The following DBF4 variants were observed in gnomAD, a reference collection of about 807,000 sequenced individuals.
DBF4 encodes the protein DBF4-CDC7 kinase regulatory subunit, also known as protein DBF4 homolog A.
DBF4 carries 25 observed loss-of-function variants against 76.6 expected under a neutral mutation model. The observed-to-expected ratio is 0.33, with a 90% CI of 0.24 to 0.46. The LOEUF (loss-of-function observed/expected upper bound fraction) is 0.46. Among genes scored for constraint, DBF4 ranks in the 20% least tolerant of loss-of-function variants. DBF4 has a pLI of 1.00. For synonymous variants in DBF4, 213 were observed against 258.0 expected (o/e 0.83, Z 1.67); for missense variants, 638 against 760.8 (o/e 0.84, Z 1.90).
intron 6 of DBF4, chr7:87,888,289 A>C: frequency 1.0e-6 from 1 of 985,034 alleles, no homozygotes; most frequent in Non-Finnish European, 1.2e-6. Context: ...CCCTTTTGTT[A>C]CTGCTGTTTT....
chr7:87,879,785 C>A (rs1179892278), intron 2 of DBF4, among the ~76,000 whole-genome samples: 1 of 152,006 alleles, frequency 6.6e-6, no homozygotes, highest in East Asian at 1.9e-4. Context: ...AACTCCATGT[C>A]TACTGAAAAA....
rs1406161600 is a variant in DBF4, at chr7:87,876,710, C to T, written c.-23C>T. The T allele has an allele frequency of 4.3e-6, 7 of 1,613,890 alleles. No individual in the cohort carries two copies. The South Asian group carries it at 6.6e-5, about 15-fold the overall frequency. On this transcript the variant is annotated 5_prime_UTR_variant, in exon 1 of 12. Transcript: ENST00000265728. ...GGTGCGACACTTTCTCCGGACCCAG[C>T]ATGTAGGTGCCGGGCGACTGCCATG...
chr7:87,887,816 G>A (rs1240712315), intron 5 of DBF4, among the ~76,000 whole-genome samples, 167 bp from the exon 6 acceptor site: 1 of 152,026 alleles, frequency 6.6e-6, no homozygotes, highest in Non-Finnish European at 1.5e-5. Context: ...CTGTCACACT[G>A]GGGGTTAAAT....
intron 6 of DBF4, chr7:87,888,437 C>G (rs915801913): frequency 1.7e-6 from 1 of 598,320 alleles, no homozygotes. Flanking sequence ...AATGGTATAA[C>G]AAAATCTCGT....
intron 8 of DBF4, among the ~76,000 whole-genome samples, chr7:87,899,442 G>T (rs996988864): frequency 1.3e-5 from 2 of 152,038 alleles, no homozygotes; most frequent in Non-Finnish European, 2.9e-5. Context: ...TTAAAAAGGG[G>T]CAAAGCGCTG....
At position 87,884,969 on chromosome 7, in the gene DBF4, T is replaced by C; in HGVS notation, c.220-10T>C. Reference sequence around the variant, plus strand: ...AAATTTATAAATAAAAATACTTTGTTCTCTTCTAGCGAGTTGAAGAATTTC... The same window carrying C: ...AAATTTATAAATAAAAATACTTTGTCCTCTTCTAGCGAGTTGAAGAATTTC... On this transcript the variant is annotated splice_polypyrimidine_tract_variant and intron_variant, in intron 2 of 11. Coordinates refer to ENST00000265728, the MANE Select transcript of DBF4 (RefSeq NM_006716.4). The C allele has an allele frequency of 6.3e-7, 1 of 1,586,868 alleles. No individual in the cohort carries two copies. The highest frequency in any genetic ancestry group is 8.6e-7 in the Non-Finnish European group (1 of 1,159,846).
chr7:87,899,057 A>G (rs1447549471), intron 8 of DBF4, among the ~76,000 whole-genome samples: 1 of 152,222 alleles, frequency 6.6e-6, no homozygotes, highest in Non-Finnish European at 1.5e-5. Context: ...AAAGAATGGC[A>G]TTAGACTCCT....
Position 87,885,112 on chromosome 7 carries a change from C to T in DBF4, c.353C>T (p.Ser118Leu). ...TCTGCATATACTGCAGAAACCACTT[C>T]ACCTCATCCCAGCCATGATGGAAGT... ...PESAYTAETT[S>L]PHPSHDGSSF... The change falls in exon 3 of 12, where the codon TCA (serine) becomes TTA (leucine). Residue 118 changes from serine to leucine, a missense_variant. Physicochemically the swap from Ser to Leu is moderately radical, Grantham distance 145. Transcript: ENST00000265728. 1 of 1,612,966 alleles carries T rather than the reference C, an allele frequency of 6.2e-7. No homozygotes were observed. The highest frequency in any genetic ancestry group is 8.5e-7 in the Non-Finnish European group (1 of 1,179,382).
rs147551055 is a variant in DBF4, at chr7:87,880,530, G to A, written c.219+2305G>A. 8.5e-5 allele frequency among the ~76,000 whole-genome samples: 13 copies of A among 152,184 alleles called. No individual in the cohort carries two copies. In the East Asian group the frequency reaches 2.5e-3, roughly 29 times the overall value. ...TATAATTAATGATATTTAATCCTCAGGTCCTGGTTTCTGTCTTCAGCACAT... is the reference window on the plus strand; with the variant it reads ...TATAATTAATGATATTTAATCCTCAAGTCCTGGTTTCTGTCTTCAGCACAT... On this transcript the variant is annotated intron_variant, in intron 2 of 11. Transcript: ENST00000265728.
chr7:87,895,451 C>G (rs553939734), intron 6 of DBF4, among the ~76,000 whole-genome samples: 2 of 151,998 alleles, frequency 1.3e-5, no homozygotes, highest in Non-Finnish European at 2.9e-5. Flanking sequence ...TGTGTAGGCC[C>G]TATATCCTGA....
intron 2 of DBF4, among the ~76,000 whole-genome samples, chr7:87,879,704 C>T (rs749539517): frequency 3.9e-5 from 6 of 152,130 alleles, no homozygotes; most frequent in Non-Finnish European, 7.4e-5. Context: ...GTAATCCTAG[C>T]ACTTTTGGAG....
At chr7:87,879,178 A>G (rs1310401733) in intron 2 of DBF4, among the ~76,000 whole-genome samples, 1 of 151,978 alleles carries the variant, frequency 6.6e-6, no homozygotes, top group African/African-American at 2.4e-5. Context: ...CAAACTTCTA[A>G]CCTCAGGTGA....
Position 87,903,689 on chromosome 7 carries a change from CTTTTTTTTTTTTTT to C in DBF4, c.925-593_925-580del, listed in dbSNP as rs56740998. On this transcript the variant is annotated intron_variant, in intron 10 of 11. Coordinates refer to ENST00000265728, the MANE Select transcript of DBF4 (RefSeq NM_006716.4). ...TACTGTTGTCTCTCTCTCTGTATCC[CTTTTTTTTTTTTTT>C]TTTTTTTTTGAGACGAAGTCTTGCT... Among the ~76,000 whole-genome samples the C allele has an allele frequency of 4.1e-5, 4 of 98,090 alleles. 1 individual carries two copies. Among genetic ancestry groups the C allele is most frequent in the African/African-American group, 1.6e-4 (4 of 24,938 alleles). The allele number at this position is 98,090 out of a possible 152,430, so 64.4% of individuals were successfully genotyped here.
At chr7:87,886,320 C>T (rs1357014509) in intron 3 of DBF4, among the ~76,000 whole-genome samples, 1 of 151,856 alleles carries the variant, frequency 6.6e-6, no homozygotes, top group Admixed American at 6.6e-5. Flanking sequence ...ATCACGAGGT[C>T]AGGAGTTCAA....
intron 7 of DBF4, 80 bp downstream of exon 7, chr7:87,896,590 C>T (rs1839645235): frequency 8.1e-7 from 1 of 1,237,290 alleles, no homozygotes; most frequent in Non-Finnish European, 1.2e-6. Context: ...ATATAAACCA[C>T]CCTCTAAATG....
At chr7:87,886,154 T>C (rs1839343914) in intron 3 of DBF4, among the ~76,000 whole-genome samples, 1 of 152,156 alleles carries the variant, frequency 6.6e-6, no homozygotes, top group African/African-American at 2.4e-5. Context: ...AATGCTTTTT[T>C]GGAGCAAGGA....
chr7:87,900,617 T>C, intron 9 of DBF4, 147 bp from the exon 10 acceptor site: 1 of 699,294 alleles, frequency 1.4e-6, no homozygotes, highest in Non-Finnish European at 2.3e-6. Context: ...CTTCTCAATA[T>C]AGTATAAAGA....
chr7:87,881,691 A>C (rs1275119689), intron 2 of DBF4, among the ~76,000 whole-genome samples: 1 of 152,248 alleles, frequency 6.6e-6, no homozygotes, highest in Non-Finnish European at 1.5e-5. Context: ...AGAGATACAA[A>C]AATAAGTAAA....
chr7:87,901,151 A>G (rs753781664), intron 10 of DBF4, among the ~76,000 whole-genome samples: 14 of 151,976 alleles, frequency 9.2e-5, no homozygotes, highest in Non-Finnish European at 1.8e-4. Flanking sequence ...GGGTGGAGAT[A>G]GGTAACCACA....
Sources: allele counts gnomAD v4.1 joint callset (sites outside exome capture counted in the v4.1 genomes callset), GRCh38; gene constraint gnomAD v4.1.1; transcripts MANE v1.5; gene names NCBI Gene and HGNC (gene_info 2026-07-23, HGNC 2026-07-21).